DAPP1: variants seen among roughly 807,000 people sequenced by gnomAD.
DAPP1 encodes the protein dual adaptor of phosphotyrosine and 3-phosphoinositides 1.
Under a neutral mutation model 41.5 loss-of-function variants are expected in DAPP1, and 20 were observed. The observed-to-expected ratio is 0.48, with a 90% CI of 0.34 to 0.70. DAPP1 has a LOEUF of 0.70. Ranked by LOEUF, DAPP1 falls within the 30% of genes least tolerant of loss-of-function variation. The pLI is 0.01. For synonymous variants in DAPP1, 113 were observed against 116.2 expected (o/e 0.97, Z 0.18); for missense variants, 233 against 333.4 (o/e 0.70, Z 2.35).
chr4:99,848,923 G>A (rs1044442127), intron 3 of DAPP1, among the ~76,000 whole-genome samples: 8 of 152,172 alleles, frequency 5.3e-5, no homozygotes, highest in African/African-American at 1.9e-4. Flanking sequence ...TGTATACTGG[G>A]AGGTACAATC....
intron 4 of DAPP1, among the ~76,000 whole-genome samples, chr4:99,857,701 TACACACAC>T (rs140943788): frequency 3.4e-4 from 48 of 143,108 alleles, no homozygotes; most frequent in Non-Finnish European, 4.5e-4. Context: ...TGTATGTATA[TACACACAC>T]ACACACACAC....
At chr4:99,828,956 G>A (rs1723032540) in intron 1 of DAPP1, among the ~76,000 whole-genome samples, 2 of 151,924 alleles carry the variant, frequency 1.3e-5, no homozygotes, top group Admixed American at 1.3e-4. Flanking sequence ...GGAGTTTCTT[G>A]CTCTTTTTTG....
intron 1 of DAPP1, among the ~76,000 whole-genome samples, chr4:99,823,321 A>T (rs1049838981): frequency 6.6e-6 from 1 of 152,022 alleles, no homozygotes; most frequent in South Asian, 2.1e-4. Context: ...TGAAAATAAT[A>T]GTAATATATA....
At position 99,820,391 on chromosome 4, in the gene DAPP1, T is replaced by C. The variant is rs1398148495; in HGVS notation, c.101+3377T>C. Among the ~76,000 whole-genome samples, 2 of 141,224 alleles carry C rather than the reference T, an allele frequency of 1.4e-5. 1 individual carries two copies. Among genetic ancestry groups the C allele is most frequent in the Middle Eastern group, 6.9e-3 (2 of 290 alleles). The allele number at this position is 141,224 out of a possible 152,430, so 92.6% of individuals were successfully genotyped here. On this transcript the variant is annotated intron_variant, in intron 1 of 8. Coordinates refer to ENST00000512369, the MANE Select transcript of DAPP1 (RefSeq NM_014395.3). The stretch of plus-strand genomic sequence containing the variant: ...TATACTATTTCTACATATAGCTATA[T>C]ATATGTATAAACACAAAAGAAATAA...
At position 99,840,215 on chromosome 4, in the gene DAPP1, A is replaced by C. The variant is rs967467199; in HGVS notation, c.225-74A>C. On this transcript the variant is annotated intron_variant, in intron 2 of 8. Coordinates refer to ENST00000512369, the MANE Select transcript of DAPP1 (RefSeq NM_014395.3). Reference sequence around the variant, plus strand: ...ATAAAGGGTTAATAGTGATGCTAACATCTGAGATCATATTTCCCTTCAACA... The same window carrying C: ...ATAAAGGGTTAATAGTGATGCTAACCTCTGAGATCATATTTCCCTTCAACA... The C allele has an allele frequency of 4.6e-6, 5 of 1,080,488 alleles. No individual in the cohort carries two copies. In the Admixed American group the frequency reaches 8.5e-5, roughly 18 times the overall value. 66.9% of individuals were successfully genotyped at this position (1,080,488 alleles called of 1,614,324 possible).
At chr4:99,827,983 A>G (rs1256853162) in intron 1 of DAPP1, among the ~76,000 whole-genome samples, 1 of 152,230 alleles carries the variant, frequency 6.6e-6, no homozygotes, top group Non-Finnish European at 1.5e-5. Context: ...AGCCATCTAC[A>G]CAGCAAAAAA....
At chr4:99,825,369 A>C (rs1722905360) in intron 1 of DAPP1, among the ~76,000 whole-genome samples, 1 of 152,176 alleles carries the variant, frequency 6.6e-6, no homozygotes, top group African/African-American at 2.4e-5. Context: ...CTTCAAGAAC[A>C]GGTTCATCCT....
chr4:99,843,873 C>A (rs1258015524), intron 3 of DAPP1, among the ~76,000 whole-genome samples: 6 of 152,186 alleles, frequency 3.9e-5, no homozygotes, highest in Admixed American at 3.9e-4. Context: ...ATATGTCATG[C>A]TGGATGCCCC....
At chr4:99,818,058 T>C (rs1722649609) in intron 1 of DAPP1, among the ~76,000 whole-genome samples, 2 of 152,252 alleles carry the variant, frequency 1.3e-5, no homozygotes, top group South Asian at 2.1e-4. Context: ...GTGTTAAGGC[T>C]GCAGAGATTG....
intron 3 of DAPP1, among the ~76,000 whole-genome samples, chr4:99,845,760 A>G (rs1275209905): frequency 6.6e-6 from 1 of 152,262 alleles, no homozygotes; most frequent in Non-Finnish European, 1.5e-5. Flanking sequence ...ACTTTAAAAC[A>G]TAAAAAGGCT....
At chr4:99,859,949 T>G (rs933912810) in intron 4 of DAPP1, among the ~76,000 whole-genome samples, 57 of 152,200 alleles carry the variant, frequency 3.7e-4, no homozygotes, top group African/African-American at 1.4e-3. Flanking sequence ...TTGAAAGCCC[T>G]CCACACACAC....
chr4:99,850,664 C>T (rs781574044), intron 3 of DAPP1, among the ~76,000 whole-genome samples: 59 of 152,280 alleles, frequency 3.9e-4, no homozygotes, highest in Admixed American at 7.2e-4. Flanking sequence ...GTTTGAGAGG[C>T]ACCAATTTAA....
At chr4:99,817,163 A>G (rs1722615921) in intron 1 of DAPP1, 149 bp downstream of exon 1, 1 of 579,086 alleles carries the variant, frequency 1.7e-6, no homozygotes, top group Non-Finnish European at 3.0e-6. Context: ...ATTCATTTGT[A>G]TCTGTTAAGT....
At chr4:99,819,171 G>C (rs1265441455) in intron 1 of DAPP1, among the ~76,000 whole-genome samples, 2 of 152,072 alleles carry the variant, frequency 1.3e-5, no homozygotes, top group Non-Finnish European at 2.9e-5. Flanking sequence ...CAATACTTTT[G>C]ACTAACTTTA....
intron 3 of DAPP1, among the ~76,000 whole-genome samples, chr4:99,845,844 G>A (rs1042830835): frequency 6.6e-6 from 1 of 152,172 alleles, no homozygotes; most frequent in Non-Finnish European, 1.5e-5. Flanking sequence ...CAAACAGCCT[G>A]TCTAAGTATA....
chr4:99,856,230 C>T (rs1724039847), intron 4 of DAPP1, among the ~76,000 whole-genome samples: 1 of 151,942 alleles, frequency 6.6e-6, no homozygotes, highest in Admixed American at 6.6e-5. Context: ...ATAATCAATG[C>T]AGTAATCTGA....
At chr4:99,871,115 T>C (rs1472235421), downstream of DAPP1, among the ~76,000 whole-genome samples, 1 of 152,176 alleles carries the variant, frequency 6.6e-6, no homozygotes, top group African/African-American at 2.4e-5. Context: ...TGGGTTCCTC[T>C]CTCCTTATTT....
chr4:99,837,885 G>A (rs1220727247), intron 2 of DAPP1, among the ~76,000 whole-genome samples: 1 of 151,754 alleles, frequency 6.6e-6, no homozygotes. Context: ...GACAGTGACA[G>A]TTCGTCAGGC....
Position 99,835,754 on chromosome 4 carries a change from C to G in DAPP1, c.224+9C>G, listed in dbSNP as rs1723278867. Reference sequence around the variant, plus strand: ...TACTCTCTCTCTGTGAGGTAAGGTGCTTCAGGGCTCTACGACTTCAGCATG... The same window carrying G: ...TACTCTCTCTCTGTGAGGTAAGGTGGTTCAGGGCTCTACGACTTCAGCATG... On this transcript the variant is annotated intron_variant, in intron 2 of 8. Transcript: ENST00000512369. The G allele has an allele frequency of 6.2e-7, 1 of 1,612,806 alleles. No individual in the cohort carries two copies. Among genetic ancestry groups the G allele is most frequent in the Admixed American group, 1.7e-5 (1 of 59,742 alleles).
Sources: allele counts gnomAD v4.1 joint callset (sites outside exome capture counted in the v4.1 genomes callset), GRCh38; gene constraint gnomAD v4.1.1; transcripts MANE v1.5; gene names NCBI Gene and HGNC (gene_info 2026-07-23, HGNC 2026-07-21).